The following SLC35F3 variants were observed in gnomAD, a reference collection of about 807,000 sequenced individuals.
SLC35F3 encodes solute carrier family 35 member F3, also known as putative thiamine transporter SLC35F3.
Under a neutral mutation model 49.9 loss-of-function variants are expected in SLC35F3, and 25 were observed. That is an observed-to-expected ratio of 0.50 (90% CI 0.37 to 0.70). The LOEUF (loss-of-function observed/expected upper bound fraction) is 0.70. Ranked by LOEUF, SLC35F3 falls within the 30% of genes least tolerant of loss-of-function variation. The pLI is 0.00. For synonymous variants in SLC35F3, 275 were observed against 265.4 expected (o/e 1.04, Z -0.35); for missense variants, 525 against 639.8 (o/e 0.82, Z 1.94).
chr1:234,080,025 A>G (rs1664850314), intron 2 of SLC35F3, among the ~76,000 whole-genome samples: 1 of 152,236 alleles, frequency 6.6e-6, no homozygotes, highest in East Asian at 1.9e-4. Flanking sequence ...TAATGAGGTG[A>G]CTCTTGGAGG....
intron 2 of SLC35F3, among the ~76,000 whole-genome samples, chr1:234,161,645 C>G (rs539640964): frequency 6.6e-6 from 1 of 151,918 alleles, no homozygotes; most frequent in African/African-American, 2.4e-5. Context: ...ACAAAAAATA[C>G]GTATATAAAA....
intron 2 of SLC35F3, among the ~76,000 whole-genome samples, chr1:234,078,157 C>G (rs1286831330): frequency 1.3e-5 from 2 of 152,182 alleles, no homozygotes; most frequent in Non-Finnish European, 2.9e-5. Context: ...TCATCTTTTT[C>G]CTTTAGGTTC....
intron 2 of SLC35F3, among the ~76,000 whole-genome samples, chr1:234,227,796 T>C (rs1353989689): frequency 6.6e-6 from 1 of 152,186 alleles, no homozygotes; most frequent in Non-Finnish European, 1.5e-5. Context: ...AACAAAAGTT[T>C]CCTACACTTA....
At chr1:234,135,774 C>A (rs1353867682) in intron 2 of SLC35F3, among the ~76,000 whole-genome samples, 46 of 152,350 alleles carry the variant, frequency 3.0e-4, no homozygotes, top group Non-Finnish European at 1.5e-5. Context: ...GAAAGGAAAG[C>A]AGGTGTTCAG....
At chr1:234,000,828 C>G (rs915675632) in intron 2 of SLC35F3, among the ~76,000 whole-genome samples, 2 of 152,144 alleles carry the variant, frequency 1.3e-5, no homozygotes, top group Admixed American at 1.3e-4. Context: ...GTTGGGGAAG[C>G]TAATTTCTTT....
Position 234,201,174 on chromosome 1 carries a change from G to A in SLC35F3, c.284-30243G>A, listed in dbSNP as rs1350218784. On this transcript the variant is annotated intron_variant, in intron 2 of 7. Transcript: ENST00000366618. ...GCTCATGTACTCCAAATCCCAGTGT[G>A]ATTTGATCACTACTATTTAAATTCA... Among the ~76,000 whole-genome samples, 11 of 152,194 alleles carry A rather than the reference G, an allele frequency of 7.2e-5. No individual in the cohort carries two copies. In the East Asian group the frequency reaches 2.1e-3, roughly 29 times the overall value.
chr1:234,280,336 C>T (rs946461474), intron 3 of SLC35F3, among the ~76,000 whole-genome samples: 6 of 152,230 alleles, frequency 3.9e-5, no homozygotes, highest in African/African-American at 1.4e-4. Context: ...GATGCCTAAG[C>T]ACATTGGTGA....
chr1:234,313,563 C>T (rs1209939966), intron 4 of SLC35F3, among the ~76,000 whole-genome samples: 2 of 152,150 alleles, frequency 1.3e-5, no homozygotes, highest in African/African-American at 2.4e-5. Flanking sequence ...CACTGTGACC[C>T]ATCAGTCTTT....
At chr1:234,310,630 C>T (rs897159352) in intron 4 of SLC35F3, among the ~76,000 whole-genome samples, 1 of 152,100 alleles carries the variant, frequency 6.6e-6, no homozygotes, top group Admixed American at 6.5e-5. Flanking sequence ...GTCCTGGGCC[C>T]CCCTGCCACC....
intron 3 of SLC35F3, among the ~76,000 whole-genome samples, chr1:234,258,240 G>T (rs770984310): frequency 5.3e-5 from 8 of 152,352 alleles, no homozygotes; most frequent in Non-Finnish European, 1.0e-4. Context: ...GGTCAAAGCT[G>T]TCTTCTTGCA....
intron 2 of SLC35F3, among the ~76,000 whole-genome samples, chr1:233,939,394 G>T (rs1208590978): frequency 6.6e-6 from 1 of 152,198 alleles, no homozygotes; most frequent in Non-Finnish European, 1.5e-5. Flanking sequence ...GATTGAGGCT[G>T]CAGTGAGCTG....
chr1:234,307,583 C>T (rs2102993152), intron 3 of SLC35F3, among the ~76,000 whole-genome samples: 1 of 152,352 alleles, frequency 6.6e-6, no homozygotes, highest in South Asian at 2.1e-4. Flanking sequence ...TTTTTCTCTG[C>T]ATTTTAATAT....
intron 2 of SLC35F3, among the ~76,000 whole-genome samples, chr1:234,175,822 G>A (rs374946371): frequency 8.7e-4 from 133 of 152,298 alleles, no homozygotes; most frequent in African/African-American, 2.3e-3. Flanking sequence ...GCCAAGAGCC[G>A]TCAGTGGGTT....
At chr1:234,117,923 T>C (rs1485881408) in intron 2 of SLC35F3, among the ~76,000 whole-genome samples, 1 of 2,558 alleles carries the variant, frequency 3.9e-4, no homozygotes, top group East Asian at 2.9e-3. Context: ...TGTGTGTGTG[T>C]GTGTGTGTGT....
chr1:234,014,359 A>G (rs1663771030), intron 2 of SLC35F3, among the ~76,000 whole-genome samples: 2 of 152,222 alleles, frequency 1.3e-5, no homozygotes, highest in Non-Finnish European at 2.9e-5. Context: ...GAGGCCGTAT[A>G]TGAAAAACCC....
intron 2 of SLC35F3, among the ~76,000 whole-genome samples, chr1:234,023,253 C>T (rs889468023): frequency 1.3e-5 from 2 of 152,108 alleles, no homozygotes; most frequent in Non-Finnish European, 2.9e-5. Context: ...GGAGAAACAG[C>T]TGATTTTAGA....
intron 2 of SLC35F3, among the ~76,000 whole-genome samples, chr1:234,060,016 T>C (rs1428206214): frequency 6.6e-6 from 1 of 152,244 alleles, no homozygotes; most frequent in Non-Finnish European, 1.5e-5. Context: ...AAGATCAATA[T>C]TGCATCCTTC....
intron 2 of SLC35F3, among the ~76,000 whole-genome samples, chr1:234,181,961 T>C (rs1666564799): frequency 2.0e-5 from 3 of 152,222 alleles, no homozygotes; most frequent in Non-Finnish European, 4.4e-5. Flanking sequence ...TTCTTTTTAC[T>C]AACTGGAAAA....
chr1:234,099,324 T>G (rs750260031), intron 2 of SLC35F3, among the ~76,000 whole-genome samples: 1 of 152,052 alleles, frequency 6.6e-6, no homozygotes, highest in African/African-American at 2.4e-5. Context: ...AAAAAAAGAT[T>G]TTACCGGCCG....
Sources: gnomAD v4.1 joint callset for allele counts (sites outside exome capture counted in the v4.1 genomes callset) on GRCh38, gnomAD v4.1.1 for gene constraint, MANE v1.5 for transcripts, NCBI Gene and HGNC (gene_info 2026-07-23, HGNC 2026-07-21) for gene names.